FIBCD1: variants seen among roughly 807,000 people sequenced by gnomAD.
The protein encoded by FIBCD1 is fibrinogen C domain containing 1.
FIBCD1 carries 47 observed loss-of-function variants against 45.1 expected under a neutral mutation model. That is an observed-to-expected ratio of 1.04 (90% CI 0.82 to 1.33). The LOEUF is 1.33. Among genes scored for constraint, FIBCD1 ranks in the 40% most tolerant of loss-of-function variants. The pLI, the probability that FIBCD1 is intolerant of heterozygous loss-of-function variation, is 0.00. For missense variants in FIBCD1, 653 were observed against 682.2 expected, an observed-to-expected ratio of 0.96 and a Z score of 0.48; for synonymous variants, 313 against 308.1, an observed-to-expected ratio of 1.02 and a Z score of -0.17.
In FIBCD1 at chr9:130,922,561, CCT is replaced by C. The variant is rs1564338283; in HGVS notation, c.849+1181_849+1182del. Among the ~76,000 whole-genome samples, 1 of 152,102 alleles carries C rather than the reference CCT, an allele frequency of 6.6e-6. No individual in the cohort carries two copies. Among genetic ancestry groups the C allele is most frequent in the Non-Finnish European group, 1.5e-5 (1 of 68,020 alleles). On this transcript the variant is annotated intron_variant, in intron 4 of 6. Transcript: ENST00000372338. This position sits in a 1 kb window ranked among gnomAD's most constrained non-coding sequence, Gnocchi z 4.5. ...GAGCGTGGAACCTCCAGGCTCCCCG[CCT>C]CTCTGACATCTGCTGTCGGGGTCCC...
At chr9:130,924,013 G>A (rs752413262) in intron 3 of FIBCD1, 133 bp from the exon 4 acceptor site, 84 of 1,415,940 alleles carry the variant, frequency 5.9e-5, no homozygotes, top group Non-Finnish European at 6.5e-5. Context: ...CTTGGAGTCC[G>A]ACCTTGGCTC....
chr9:130,915,710 TAAA>T (rs140130452), intron 4 of FIBCD1, among the ~76,000 whole-genome samples: 2 of 151,898 alleles, frequency 1.3e-5, no homozygotes, highest in African/African-American at 4.8e-5. Flanking sequence ...CTCAAAAAAA[TAAA>T]AAAATAAACT....
At chr9:130,914,203 ACT>A (rs1457862737) in intron 4 of FIBCD1, among the ~76,000 whole-genome samples, 1 of 151,542 alleles carries the variant, frequency 6.6e-6, no homozygotes, top group Non-Finnish European at 1.5e-5. Context: ...CCTCTCCCAG[ACT>A]CTGGCCTCCA....
Position 130,926,229 on chromosome 9 carries a change from C to G in FIBCD1, c.553-1833G>C, listed in dbSNP as rs1284253242. On this transcript the variant is annotated intron_variant, in intron 2 of 6. Transcript: ENST00000372338. This position sits in a 1 kb window ranked among gnomAD's most constrained non-coding sequence, Gnocchi z 4.1. The stretch of plus-strand genomic sequence containing the variant: ...GGTACTGCCCATTTATCTGAGTCAA[C>G]ACGGCCACAACGCACTAAAAAAAAC... 2.0e-5 allele frequency among the ~76,000 whole-genome samples: 3 copies of G among 152,242 alleles called. No homozygotes were observed. The East Asian group carries it at 5.8e-4, about 29-fold the overall frequency.
Position 130,924,282 on chromosome 9 carries a change from G to A in FIBCD1, c.667C>T (p.Gln223Ter). 6.2e-7 allele frequency: 1 copy of A among 1,603,496 alleles called. No individual in the cohort carries two copies. Among genetic ancestry groups the A allele is most frequent in the Non-Finnish European group, 8.5e-7 (1 of 1,176,588 alleles). The part of the protein sequence containing the change: ...LGRPRNKADL[Q>*]RAPARGTRPR... ...CGGGTTCCCCGGGCAGGCGCTCTCT[G>A]AAGGTCGGCCTTGTTGCGGGGCCGG... Residue 223 changes from glutamine to a stop codon, truncating the protein, a stop_gained, in exon 3 of 7, where the codon CAG becomes TAG. Transcript: ENST00000372338. LOFTEE classifies it high-confidence loss of function.
At position 130,904,105 on chromosome 9, in the gene FIBCD1, A is replaced by C; in HGVS notation, c.1345T>G (p.Phe449Val). ...ACCGGCCGGATCTTCATCTCAGAGA[A>C]CTTGAGTGAGTACTGCCAGCCGGTC... Reference protein sequence around the residue: ...SWTGWQYSLKFSEMKIRPVRE... With the variant: ...SWTGWQYSLKVSEMKIRPVRE... Residue 449 changes from phenylalanine (F) to valine (V), a missense_variant, in exon 7 of 7, where the codon TTC (phenylalanine) becomes GTC (valine). Coordinates refer to ENST00000372338, the MANE Select transcript of FIBCD1 (RefSeq NM_032843.5). 6.2e-7 allele frequency: 1 copy of C among 1,613,124 alleles called. No homozygotes were observed. The highest frequency in any genetic ancestry group is 8.5e-7 in the Non-Finnish European group (1 of 1,179,844).
intron 1 of FIBCD1, among the ~76,000 whole-genome samples, chr9:130,933,477 A>G (rs1451032424): frequency 6.6e-6 from 1 of 152,196 alleles, no homozygotes; most frequent in Non-Finnish European, 1.5e-5. Context: ...CTGGGTTCAA[A>G]GCCCACTTCT....
intron 1 of FIBCD1, 93 bp from the exon 2 acceptor site, chr9:130,930,139 C>T: frequency 7.1e-7 from 1 of 1,406,632 alleles, no homozygotes; most frequent in African/African-American, 1.4e-5. Context: ...AGAGGACCCC[C>T]TTCTTGGGGG....
rs931895565 is a variant in FIBCD1, at chr9:130,902,849, G to T, written c.*1215C>A. The T allele has an allele frequency of 8.5e-5, 13 of 152,438 alleles. No individual in the cohort carries two copies. Among genetic ancestry groups the T allele is most frequent in the African/African-American group, 3.1e-4 (13 of 41,466 alleles). The allele number at this position is 152,438 out of a possible 1,614,324, so 9.4% of individuals were successfully genotyped here. A position where few individuals can be genotyped will look rare whatever the true frequency, so the allele number is the denominator to read the frequency against. ...GCCTGCGGGTCTCACCTCTGCATGT[G>T]TGCACACAAGGAGTGGGGATGACAG... is the stretch of plus-strand genomic sequence containing the variant. On this transcript the variant is annotated 3_prime_UTR_variant, in exon 7 of 7. Transcript: ENST00000372338.
chr9:130,906,847 G>A (rs1564332603), intron 5 of FIBCD1, among the ~76,000 whole-genome samples: 1 of 152,232 alleles, frequency 6.6e-6, no homozygotes, highest in African/African-American at 2.4e-5. Flanking sequence ...GAATCCCTGG[G>A]CGGCTCTTCT....
At chr9:130,911,704 C>G in intron 5 of FIBCD1, 88 bp downstream of exon 5, 1 of 1,245,622 alleles carries the variant, frequency 8.0e-7, no homozygotes, top group Non-Finnish European at 1.1e-6. Context: ...CCAGCCCAAA[C>G]CCATTCAGGG....
At chr9:130,912,067 C>T (rs978206458) in intron 4 of FIBCD1, among the ~76,000 whole-genome samples, 179 bp from the exon 5 acceptor site, 2 of 151,940 alleles carry the variant, frequency 1.3e-5, no homozygotes, top group African/African-American at 4.8e-5. Context: ...TGGAAAACAG[C>T]AGAGGTTCCA....
At chr9:130,930,167 C>T in intron 1 of FIBCD1, 121 bp from the exon 2 acceptor site, 1 of 1,259,368 alleles carries the variant, frequency 7.9e-7, no homozygotes, top group Non-Finnish European at 1.1e-6. Flanking sequence ...AAGGGCGTGG[C>T]ACAGAGACTG....
At chr9:130,910,776 T>C (rs1305236275) in intron 5 of FIBCD1, among the ~76,000 whole-genome samples, 1 of 152,192 alleles carries the variant, frequency 6.6e-6, no homozygotes, top group Non-Finnish European at 1.5e-5. Context: ...AGAACCTTTA[T>C]GTCTAGCTCA....
intron 4 of FIBCD1, among the ~76,000 whole-genome samples, chr9:130,916,382 A>G (rs1450941229): frequency 1.3e-5 from 2 of 152,138 alleles, no homozygotes; most frequent in Admixed American, 6.5e-5. Flanking sequence ...GGCTGTCCTG[A>G]TTTCTTGGTT....
chr9:130,911,813 G>C lies in FIBCD1; in HGVS notation c.925C>G (p.Leu309Val). The stretch of plus-strand genomic sequence containing the variant: ...TCACCTAGCCAGTGCTCCCCGGTGA[G>C]CCTGCCAAAGCCGTCTCGGTACGCA... Reference protein sequence around the residue: ...WDAYRDGFGRLTGEHWLGLKR... With the variant: ...WDAYRDGFGRVTGEHWLGLKR... Residue 309 changes from leucine to valine, a missense_variant, in exon 5 of 7, where the codon CTC becomes GTC. Physicochemically the swap from Leu to Val is conservative, Grantham distance 32. Coordinates refer to ENST00000372338, the MANE Select transcript of FIBCD1 (RefSeq NM_032843.5). 1 of 1,603,560 alleles carries C rather than the reference G, an allele frequency of 6.2e-7. No homozygotes were observed. The highest frequency in any genetic ancestry group is 8.5e-7 in the Non-Finnish European group (1 of 1,175,942).
rs1832287896 is a variant in FIBCD1 at position 130,922,980 on chromosome 9, C to T, written c.849+764G>A. ...CTCTGCTACAGTGACTTCTTCCGCC[C>T]CCAATGCCCCCTGGCGTGTAAATTC... On this transcript the variant is annotated intron_variant, in intron 4 of 6. Transcript: ENST00000372338. This position sits in a 1 kb window ranked among gnomAD's most constrained non-coding sequence, Gnocchi z 4.5. Among the ~76,000 whole-genome samples, 1 of 152,216 alleles carries T rather than the reference C, an allele frequency of 6.6e-6. No individual in the cohort carries two copies. The highest frequency in any genetic ancestry group is 2.1e-4 in the South Asian group (1 of 4,832).
At chr9:130,915,239 T>C (rs1203735894) in intron 4 of FIBCD1, among the ~76,000 whole-genome samples, 1 of 152,210 alleles carries the variant, frequency 6.6e-6, no homozygotes, top group Non-Finnish European at 1.5e-5. Flanking sequence ...CCTCTCAGTC[T>C]GGGTGCCAGT....
At chr9:130,924,836 C>G (rs893568524) in intron 2 of FIBCD1, among the ~76,000 whole-genome samples, 2 of 152,208 alleles carry the variant, frequency 1.3e-5, no homozygotes, top group Non-Finnish European at 2.9e-5. Context: ...GTCCTCACCA[C>G]GCCTCGTCTC....
Sources: allele counts gnomAD v4.1 joint callset (sites outside exome capture counted in the v4.1 genomes callset), GRCh38; gene constraint gnomAD v4.1.1; non-coding constraint Gnocchi (gnomAD v3.1); transcripts MANE v1.5; gene names NCBI Gene and HGNC (gene_info 2026-07-23, HGNC 2026-07-21).